IL1RAP: variants seen among roughly 807,000 people sequenced by gnomAD.
The protein encoded by IL1RAP is interleukin-1 receptor accessory protein.
IL1RAP carries 35 observed loss-of-function variants against 60.7 expected under a neutral mutation model. That is an observed-to-expected ratio of 0.58 (90% CI 0.44 to 0.76). The LOEUF (loss-of-function observed/expected upper bound fraction) is 0.76. Among genes scored for constraint, IL1RAP ranks in the 30% least tolerant of loss-of-function variants. The pLI, the probability that IL1RAP is intolerant of heterozygous loss-of-function variation, is 0.00. For missense variants in IL1RAP, 572 were observed against 693.9 expected (o/e 0.82, Z 1.97); for synonymous variants, 268 against 250.9 (o/e 1.07, Z -0.64).
intron 1 of IL1RAP, chr3:190,554,719 T>C (rs531379133): frequency 6.8e-6 from 1 of 147,140 alleles, no homozygotes; most frequent in South Asian, 2.2e-4. Context: ...ATTTGCTTTC[T>C]TGTTGTTTAG....
At chr3:190,569,587 T>C (rs1726736194) in intron 3 of IL1RAP, among the ~76,000 whole-genome samples, 1 of 151,936 alleles carries the variant, frequency 6.6e-6, no homozygotes, top group Non-Finnish European at 1.5e-5. Context: ...CTCTTCACTT[T>C]TTTTTTTTTC....
Position 190,649,679 on chromosome 3 carries a change from A to G in IL1RAP, c.*974A>G. The G allele has an allele frequency of 1.0e-6, 1 of 985,820 alleles. No individual in the cohort carries two copies. Among genetic ancestry groups the G allele is most frequent in the Non-Finnish European group, 1.2e-6 (1 of 829,900 alleles). The allele number at this position is 985,820 out of a possible 1,614,324, so 61.1% of individuals were successfully genotyped here. ...TTTTCTCACTCGTTTTTGTTGCTCCATTGTAAAGGGCGGAGGTCAGTCTTA... is the reference window on the plus strand; with the variant it reads ...TTTTCTCACTCGTTTTTGTTGCTCCGTTGTAAAGGGCGGAGGTCAGTCTTA... On this transcript the variant is annotated 3_prime_UTR_variant, in exon 12 of 12. Coordinates refer to ENST00000447382, the MANE Select transcript of IL1RAP (RefSeq NM_002182.4).
At chr3:190,548,472 A>G (rs1028484629) in intron 1 of IL1RAP, among the ~76,000 whole-genome samples, 3 of 152,158 alleles carry the variant, frequency 2.0e-5, no homozygotes, top group Non-Finnish European at 4.4e-5. Flanking sequence ...TCAACAGCAA[A>G]CTAGAACAGA....
chr3:190,623,229 C>A, intron 6 of IL1RAP, 115 bp from the exon 7 acceptor site: 1 of 773,656 alleles, frequency 1.3e-6, no homozygotes, highest in Non-Finnish European at 2.3e-6. Flanking sequence ...TAGGCCTTCT[C>A]TAAAACAACT....
At chr3:190,542,831 A>G (rs1310895769) in intron 1 of IL1RAP, among the ~76,000 whole-genome samples, 2 of 151,964 alleles carry the variant, frequency 1.3e-5, no homozygotes, top group African/African-American at 4.8e-5. Flanking sequence ...TGGGGGTTAG[A>G]AATGGCCATT....
At position 190,648,987 on chromosome 3, in the gene IL1RAP, C is replaced by T; in HGVS notation, c.*282C>T. 1 of 1,121,274 alleles carries T rather than the reference C, an allele frequency of 8.9e-7. No individual in the cohort carries two copies. The highest frequency in any genetic ancestry group is 1.1e-6 in the Non-Finnish European group (1 of 916,954). 69.5% of individuals were successfully genotyped at this position (1,121,274 alleles called of 1,614,324 possible). On this transcript the variant is annotated 3_prime_UTR_variant, in exon 12 of 12. Transcript: ENST00000447382. ...GAATTTCCCCTTCTACATTGTCTATCCCTGTTTTTATATGTCTCCATTCTT... is the reference window on the plus strand; with the variant it reads ...GAATTTCCCCTTCTACATTGTCTATTCCTGTTTTTATATGTCTCCATTCTT...
At chr3:190,562,062 C>G (rs1706211873) in intron 2 of IL1RAP, among the ~76,000 whole-genome samples, 1 of 152,180 alleles carries the variant, frequency 6.6e-6, no homozygotes, top group African/African-American at 2.4e-5. Context: ...TGTCTGCTTT[C>G]CAACAAAATC....
At chr3:190,576,917 C>T (rs1053087057) in intron 3 of IL1RAP, among the ~76,000 whole-genome samples, 7 of 151,226 alleles carry the variant, frequency 4.6e-5, no homozygotes, top group Non-Finnish European at 1.0e-4. Context: ...ATCGAGAGCA[C>T]GGTGAAACCC....
At chr3:190,613,732 C>G (rs908948608) in intron 5 of IL1RAP, among the ~76,000 whole-genome samples, 1 of 151,956 alleles carries the variant, frequency 6.6e-6, no homozygotes, top group African/African-American at 2.4e-5. Context: ...ACTCCGGAGG[C>G]TGAGGCAGGA....
At chr3:190,566,616 C>A (rs1726425740) in intron 3 of IL1RAP, among the ~76,000 whole-genome samples, 1 of 152,174 alleles carries the variant, frequency 6.6e-6, no homozygotes, top group African/African-American at 2.4e-5. Flanking sequence ...CATTGCGTCA[C>A]CGTGGGAGCA....
chr3:190,607,660 C>T (rs894242515), intron 4 of IL1RAP, among the ~76,000 whole-genome samples: 3 of 152,122 alleles, frequency 2.0e-5, no homozygotes, highest in Non-Finnish European at 4.4e-5. Flanking sequence ...TCCAGGCAGA[C>T]GGAACAACGT....
At chr3:190,623,039 G>T (rs1025783635) in intron 6 of IL1RAP, among the ~76,000 whole-genome samples, 1 of 152,154 alleles carries the variant, frequency 6.6e-6, no homozygotes, top group African/African-American at 2.4e-5. Context: ...TTAGGAATTT[G>T]GGACTAGAAC....
intron 3 of IL1RAP, among the ~76,000 whole-genome samples, chr3:190,599,122 G>T (rs578201797): frequency 2.0e-5 from 3 of 151,970 alleles, no homozygotes; most frequent in South Asian, 2.1e-4. Context: ...ACCTATACTG[G>T]TTCGTTACCA....
chr3:190,626,302 A>G (rs1044091919), intron 7 of IL1RAP, among the ~76,000 whole-genome samples: 1 of 152,242 alleles, frequency 6.6e-6, no homozygotes, highest in African/African-American at 2.4e-5. Context: ...TAAGACCATT[A>G]ATAAATATAA....
intron 11 of IL1RAP, among the ~76,000 whole-genome samples, chr3:190,646,596 A>G (rs543486535): frequency 7.7e-4 from 117 of 152,328 alleles, no homozygotes; most frequent in African/African-American, 2.6e-3. Context: ...GTAATTTTTC[A>G]TTGGTGTCTT....
At chr3:190,610,993 A>G (rs1056019758) in intron 5 of IL1RAP, among the ~76,000 whole-genome samples, 1 of 152,232 alleles carries the variant, frequency 6.6e-6, no homozygotes, top group Non-Finnish European at 1.5e-5. Flanking sequence ...TCAGTTTATT[A>G]TCTTGAAAAC....
At chr3:190,561,213 G>C (rs1355953037) in intron 2 of IL1RAP, among the ~76,000 whole-genome samples, 2 of 152,112 alleles carry the variant, frequency 1.3e-5, no homozygotes, top group African/African-American at 4.8e-5. Flanking sequence ...ACAACCAAAA[G>C]TGTATTACTC....
At chr3:190,652,744 T>C (rs1321751616), downstream of IL1RAP, among the ~76,000 whole-genome samples, 2 of 152,206 alleles carry the variant, frequency 1.3e-5, no homozygotes, top group Non-Finnish European at 2.9e-5. Context: ...TAGATTTTCA[T>C]TGAGATTTTG....
intron 1 of IL1RAP, among the ~76,000 whole-genome samples, chr3:190,515,415 A>G (rs1721428774): frequency 2.0e-5 from 3 of 152,172 alleles, no homozygotes; most frequent in Admixed American, 2.0e-4. Flanking sequence ...AACCTTGCAG[A>G]CAGTGGGTTT....
Sources: gnomAD v4.1 joint callset for allele counts (sites outside exome capture counted in the v4.1 genomes callset) on GRCh38, gnomAD v4.1.1 for gene constraint, MANE v1.5 for transcripts, NCBI Gene and HGNC (gene_info 2026-07-23, HGNC 2026-07-21) for gene names.